The following UQCRC2 variants were observed in gnomAD, a reference collection of about 807,000 sequenced individuals.
The protein encoded by UQCRC2 is cytochrome b-c1 complex subunit 2, mitochondrial.
A neutral mutation model predicts 55.6 loss-of-function variants in UQCRC2; 49 were observed. That is an observed-to-expected ratio of 0.88 (90% CI 0.70 to 1.12). The LOEUF is 1.12. UQCRC2 is among the 50% of genes most tolerant of loss of function. The pLI is 0.00. For synonymous variants in UQCRC2, 193 were observed against 192.0 expected, an observed-to-expected ratio of 1.01 and a Z score of -0.04; for missense variants, 506 against 547.8, an observed-to-expected ratio of 0.92 and a Z score of 0.76.
chr16:21,958,679 G>A, intron 4 of UQCRC2, 80 bp downstream of exon 4: 1 of 1,241,696 alleles, frequency 8.1e-7, no homozygotes, highest in South Asian at 1.3e-5. Context: ...TGTTATCAAG[G>A]AGGTTGAGGA....
intron 6 of UQCRC2, among the ~76,000 whole-genome samples, chr16:21,963,837 T>C (rs753611855): frequency 6.6e-6 from 1 of 152,188 alleles, no homozygotes; most frequent in Non-Finnish European, 1.5e-5. Context: ...CTGCTATTAT[T>C]GCTTACTATT....
intron 12 of UQCRC2, among the ~76,000 whole-genome samples, chr16:21,979,270 C>T (rs908286385): frequency 6.6e-6 from 1 of 152,212 alleles, no homozygotes; most frequent in African/African-American, 2.4e-5. Context: ...ACAATATACA[C>T]TGTCCCCAAC....
At position 21,967,196 on chromosome 16, in the gene UQCRC2, GAA is replaced by G. The variant is rs775827867; in HGVS notation, c.613-1428_613-1427del. 1.8e-4 allele frequency among the ~76,000 whole-genome samples: 27 copies of G among 152,190 alleles called. 1 individual carries two copies. The highest frequency in any genetic ancestry group is 1.0e-3 in the Admixed American group (16 of 15,288). ...CAGCATCAATAGAAAAACATCAATA[GAA>G]AAAGAGTATGACTTTCCAAGGTTAC... On this transcript the variant is annotated intron_variant, in intron 7 of 13. Transcript: ENST00000268379.
At chr16:21,956,576 A>C (rs1898090474) in intron 1 of UQCRC2, among the ~76,000 whole-genome samples, 1 of 152,172 alleles carries the variant, frequency 6.6e-6, no homozygotes, top group Non-Finnish European at 1.5e-5. Flanking sequence ...GTGATCTGAC[A>C]CTTTTTCAAA....
chr16:21,980,815 A>C (rs909963305), intron 13 of UQCRC2, 115 bp downstream of exon 13: 18 of 1,245,194 alleles, frequency 1.4e-5, no homozygotes, highest in Admixed American at 5.1e-5. Flanking sequence ...TTTGGTGCTC[A>C]TCTACTTAAT....
intron 4 of UQCRC2, among the ~76,000 whole-genome samples, chr16:21,961,861 C>T (rs1898213994): frequency 6.6e-6 from 1 of 151,364 alleles, no homozygotes; most frequent in Non-Finnish European, 1.5e-5. Flanking sequence ...CCCTGTTGGC[C>T]AGGCTGGTCT....
intron 1 of UQCRC2, among the ~76,000 whole-genome samples, chr16:21,953,727 T>A (rs1898049418): frequency 6.6e-6 from 1 of 151,966 alleles, no homozygotes. Context: ...CTTCTGAAGG[T>A]CACTCCGGTA....
chr16:21,957,715 T>G, intron 3 of UQCRC2, 149 bp downstream of exon 3: 1 of 1,192,414 alleles, frequency 8.4e-7, no homozygotes. Flanking sequence ...ACCAAATAAG[T>G]TTATCCTGTT....
rs761207705 is a variant in UQCRC2, at chr16:21,976,167, G to A, written c.1048G>A (p.Val350Ile). 3.7e-6 allele frequency: 6 copies of A among 1,613,606 alleles called. No individual in the cohort carries two copies. Among genetic ancestry groups the A allele is most frequent in the Non-Finnish European group, 4.2e-6 (5 of 1,179,620 alleles). The change falls in exon 12 of 14, where the codon GTT becomes ATT. Residue 350 changes from valine (V) to isoleucine (I), a missense_variant and splice_region_variant. Transcript: ENST00000268379. ...TISQATAAGD[V>I]IKAAYNQVKT... ...GACCAACTTTTCTTATCTGTCCTAG[G>A]TTATCAAGGCTGCCTATAATCAAGT... is the stretch of plus-strand genomic sequence containing the variant.
chr16:21,962,777 T>G lies in UQCRC2; in HGVS notation c.406T>G (p.Phe136Val). 2 of 1,614,096 alleles carry G rather than the reference T, an allele frequency of 1.2e-6. No homozygotes were observed. Among genetic ancestry groups the G allele is most frequent in the South Asian group, 2.2e-5 (2 of 91,076 alleles). ...LRGDVDILME[F>V]LLNVTTAPEF... ...CTTCTGTAGTGATATTCTAATGGAG[T>G]TCCTGCTCAATGTCACCACAGCACC... is the stretch of plus-strand genomic sequence containing the variant. The change falls in exon 6 of 14, where the codon TTC (phenylalanine) becomes GTC (valine). Residue 136 changes from phenylalanine (F) to valine (V), a missense_variant. By Grantham distance (50) the Phe-to-Val change is conservative. Coordinates refer to ENST00000268379, the MANE Select transcript of UQCRC2 (RefSeq NM_003366.4).
chr16:21,974,023 C>T (rs780172690), intron 11 of UQCRC2, 47 bp downstream of exon 11: 3 of 1,449,902 alleles, frequency 2.1e-6, no homozygotes, highest in Non-Finnish European at 2.8e-6. Flanking sequence ...AGTTATTTCT[C>T]CCCCCCGCCA....
In UQCRC2 at chr16:21,962,592, G is replaced by A. The variant is rs71376707; in HGVS notation, c.389+76G>A. 0.017 allele frequency: 27,431 copies of A among 1,601,440 alleles called. 319 individuals carry two copies. The highest frequency in any genetic ancestry group is 0.02 in the Non-Finnish European group (23,748 of 1,169,266). ...TGCTCACTTCTGGTCTTTGTAATGC[G>A]TCATTATGACCTCTGACTTCCATTT... On this transcript the variant is annotated intron_variant, in intron 5 of 13. Coordinates refer to ENST00000268379, the MANE Select transcript of UQCRC2 (RefSeq NM_003366.4).
chr16:21,976,980 G>A (rs1326588718), intron 12 of UQCRC2: 1 of 152,008 alleles, frequency 6.6e-6, no homozygotes, highest in Non-Finnish European at 1.5e-5. Context: ...TACTTTCTTG[G>A]TGTAGATTCC....
intron 11 of UQCRC2, 38 bp from the exon 12 acceptor site, chr16:21,976,129 A>G (rs1185777305): frequency 6.8e-6 from 10 of 1,479,462 alleles, no homozygotes; most frequent in Non-Finnish European, 8.5e-6. Flanking sequence ...AGACTCTGGT[A>G]CTGACCACAG....
intron 8 of UQCRC2, 105 bp from the exon 9 acceptor site, chr16:21,971,420 A>T (rs1597962425): frequency 1.1e-6 from 1 of 877,894 alleles, no homozygotes; most frequent in Non-Finnish European, 1.7e-6. Flanking sequence ...TTTATTTTGT[A>T]GTGTTAGGAT....
At chr16:21,981,111 A>C (rs1898715821) in intron 13 of UQCRC2, among the ~76,000 whole-genome samples, 1 of 152,194 alleles carries the variant, frequency 6.6e-6, no homozygotes. Flanking sequence ...TAAATAGTGA[A>C]GTTTGCTATT....
rs559552996 is a variant in UQCRC2 at position 21,974,592 on chromosome 16, G to A, written c.1047+616G>A. The stretch of plus-strand genomic sequence containing the variant: ...TTTTGACTAGAGTAGTGGAAATTGG[G>A]TAAAATGTGTAGTGATTAAGGAATG... On this transcript the variant is annotated intron_variant, in intron 11 of 13. Transcript: ENST00000268379. Among the ~76,000 whole-genome samples, 15 of 152,150 alleles carry A rather than the reference G, an allele frequency of 9.9e-5. No individual in the cohort carries two copies. In the South Asian group the frequency reaches 2.5e-3, roughly 25 times the overall value.
At chr16:21,964,716 C>T (rs1567472374) in intron 6 of UQCRC2, among the ~76,000 whole-genome samples, 1 of 152,222 alleles carries the variant, frequency 6.6e-6, no homozygotes, top group South Asian at 2.1e-4. Context: ...TGTACCTCTA[C>T]TGCACTTTTG....
rs574693534 is a variant in UQCRC2 at position 21,976,320 on chromosome 16, C to T, written c.1124+77C>T. On this transcript the variant is annotated intron_variant, in intron 12 of 13. Transcript: ENST00000268379. ...TTCTTTTCAGATTATAACAATATTACAATCTATGCTCATAAGGACTGAGAA... is the reference window on the plus strand; with the variant it reads ...TTCTTTTCAGATTATAACAATATTATAATCTATGCTCATAAGGACTGAGAA... 292 of 1,246,560 alleles carry T rather than the reference C, an allele frequency of 2.3e-4. 2 individuals carry two copies. In the South Asian group the frequency reaches 2.6e-3, roughly 11 times the overall value. The allele number at this position is 1,246,560 out of a possible 1,614,324, so 77.2% of individuals were successfully genotyped here.
Sources: allele counts gnomAD v4.1 joint callset (sites outside exome capture counted in the v4.1 genomes callset), GRCh38; gene constraint gnomAD v4.1.1; transcripts MANE v1.5; gene names NCBI Gene and HGNC (gene_info 2026-07-23, HGNC 2026-07-21).